Variants in RYR2 observed in about 807,000 individuals in gnomAD.
The protein encoded by RYR2 is ryanodine receptor 2.
Under a neutral mutation model 601.1 loss-of-function variants are expected in RYR2, and 227 were observed. The observed-to-expected ratio is 0.38, with a 90% CI of 0.34 to 0.42. The LOEUF is 0.42. Among genes scored for constraint, RYR2 ranks in the 10% least tolerant of loss-of-function variants. The pLI is 1.00. For synonymous variants in RYR2, 2,223 were observed against 2,175.1 expected (o/e 1.02, Z -0.61); for missense variants, 4,646 against 6,156.5 (o/e 0.75, Z 8.21).
chr1:237,672,413 G>A (rs950191611), intron 58 of RYR2, among the ~76,000 whole-genome samples: 3 of 152,122 alleles, frequency 2.0e-5, no homozygotes, highest in African/African-American at 7.2e-5. Flanking sequence ...CTAGGTGATG[G>A]TTGATTAAAT....
intron 17 of RYR2, among the ~76,000 whole-genome samples, chr1:237,471,591 C>G (rs183142655): frequency 1.3e-5 from 2 of 152,302 alleles, no homozygotes; most frequent in Admixed American, 1.3e-4. Flanking sequence ...AGTGTTAACA[C>G]TGGCTGAATC....
rs781172884 is a variant in RYR2, at chr1:237,651,381, G to A, written c.7734-30G>A. 3.5e-6 allele frequency: 5 copies of A among 1,445,856 alleles called. No individual in the cohort carries two copies. In the East Asian group the frequency reaches 9.4e-5, roughly 27 times the overall value. 89.6% of individuals were successfully genotyped at this position (1,445,856 alleles called of 1,614,324 possible). ...CTACTTAGTTTAGAAACATTTCTTG[G>A]CATTATGAACATTAGCTTTGTTCCA... is the stretch of plus-strand genomic sequence containing the variant. On this transcript the variant is annotated intron_variant, in intron 50 of 104. Coordinates refer to ENST00000366574, the MANE Select transcript of RYR2 (RefSeq NM_001035.3).
At chr1:237,623,387 T>G (rs28725322) in intron 38 of RYR2, among the ~76,000 whole-genome samples, 1 of 26,130 alleles carries the variant, frequency 3.8e-5, no homozygotes, top group East Asian at 1.8e-3. Context: ...TTCTTTCTTT[T>G]TTTTTTTTTT....
intron 29 of RYR2, among the ~76,000 whole-genome samples, chr1:237,579,549 T>TG (rs1673660552): frequency 6.6e-6 from 1 of 151,918 alleles, no homozygotes; most frequent in South Asian, 2.1e-4. Context: ...GCTGCTGCAC[T>TG]GGGGGAAAAT....
chr1:237,508,968 T>C (rs1245389277), intron 23 of RYR2, among the ~76,000 whole-genome samples: 1 of 151,848 alleles, frequency 6.6e-6, no homozygotes, highest in Non-Finnish European at 1.5e-5. Flanking sequence ...GGTTTCGATC[T>C]CCTGACCTCG....
Position 237,180,726 on chromosome 1 carries a change from A to G in RYR2, c.49-89771A>G, listed in dbSNP as rs994223034. Among the ~76,000 whole-genome samples, 5 of 147,976 alleles carry G rather than the reference A, an allele frequency of 3.4e-5. No individual in the cohort carries two copies. Among genetic ancestry groups the G allele is most frequent in the African/African-American group, 9.8e-5 (4 of 40,742 alleles). On this transcript the variant is annotated intron_variant, in intron 1 of 104. Transcript: ENST00000366574. The surrounding 1 kb of genome is among the most constrained non-coding windows in gnomAD (Gnocchi z 5.3). ...TATATATACACATATATACATATAC[A>G]TAGATATATGCTATTATATAATAAA...
At chr1:237,669,894 G>A (rs544829791) in intron 58 of RYR2, among the ~76,000 whole-genome samples, 283 of 152,116 alleles carry the variant, frequency 1.9e-3, no homozygotes, top group African/African-American at 6.3e-3. Context: ...GGTGGCGGCC[G>A]GGCAGAGGCT....
intron 1 of RYR2, among the ~76,000 whole-genome samples, chr1:237,110,057 A>G (rs1669275141): frequency 6.6e-6 from 1 of 152,158 alleles, no homozygotes; most frequent in Non-Finnish European, 1.5e-5. Flanking sequence ...GGGTTGTGCC[A>G]TATCCTGGTA....
intron 96 of RYR2, among the ~76,000 whole-genome samples, chr1:237,795,921 CGTAT>C (rs1300147925): frequency 0.012 from 359 of 30,246 alleles, no homozygotes; most frequent in African/African-American, 0.02. Flanking sequence ...CATATGCACG[CGTAT>C]GTGTGTACAT....
At chr1:237,795,836 G>GTATATATATATATATATATATATATATA in intron 96 of RYR2, among the ~76,000 whole-genome samples, 1 of 132,668 alleles carries the variant, frequency 7.5e-6, no homozygotes, top group African/African-American at 2.9e-5. Context: ...GTGTGTGTGT[G>GTATATATATATATATATATATATATATA]TATATATATA....
chr1:237,071,458 A>G (rs1384393552), intron 1 of RYR2, among the ~76,000 whole-genome samples: 2 of 152,146 alleles, frequency 1.3e-5, no homozygotes, highest in Non-Finnish European at 2.9e-5. Flanking sequence ...TCCTGACCTC[A>G]GGTGATCCAC....
chr1:237,247,750 A>G (rs1446840244), intron 1 of RYR2, among the ~76,000 whole-genome samples: 4 of 152,168 alleles, frequency 2.6e-5, no homozygotes. Context: ...CCTTGTGGCA[A>G]TGAAGGAAAG....
At chr1:237,127,954 A>G (rs1255419602) in intron 1 of RYR2, among the ~76,000 whole-genome samples, 1 of 151,512 alleles carries the variant, frequency 6.6e-6, no homozygotes, top group Admixed American at 6.6e-5. Flanking sequence ...GCGGCCAGGC[A>G]GAGATGCTCC....
At chr1:237,671,544 T>TGA (rs140139821) in intron 58 of RYR2, among the ~76,000 whole-genome samples, 242 of 151,366 alleles carry the variant, frequency 1.6e-3, no homozygotes, top group African/African-American at 5.6e-3. Flanking sequence ...TGTGTGCGTG[T>TGA]GAGAGAGAGA....
intron 1 of RYR2, among the ~76,000 whole-genome samples, chr1:237,179,046 A>G (rs537975993): frequency 2.6e-5 from 4 of 152,240 alleles, no homozygotes; most frequent in East Asian, 1.9e-4. Flanking sequence ...TTCTGTGCCA[A>G]TGTCATCTTG....
intron 10 of RYR2, among the ~76,000 whole-genome samples, chr1:237,389,480 G>A (rs1702203352): frequency 6.6e-6 from 1 of 152,266 alleles, no homozygotes; most frequent in Admixed American, 6.5e-5. Context: ...TTAGATTAGA[G>A]GTGGGGAGAA....
intron 24 of RYR2, among the ~76,000 whole-genome samples, chr1:237,519,477 A>G (rs1426535100): frequency 6.6e-6 from 1 of 152,192 alleles, no homozygotes. Context: ...ATAGGGGACC[A>G]GTTTTACTCT....
chr1:237,463,297 T>C (rs1367342339), intron 16 of RYR2, among the ~76,000 whole-genome samples: 2 of 152,154 alleles, frequency 1.3e-5, no homozygotes, highest in East Asian at 3.8e-4. Flanking sequence ...CCTAGAACAA[T>C]GCTTGACACA....
rs1558425816 is a variant in RYR2, at chr1:237,792,384, T to TGTGC, written c.13782+64_13782+65insCGTG. On this transcript the variant is annotated intron_variant, in intron 94 of 104. Transcript: ENST00000366574. ...GTGTGTGTGTGTGTGTGTGTGTGCG[T>TGTGC]GTGTGTGTGTGTGCGTGTGTGTGTG... 5 of 617,868 alleles carry TGTGC rather than the reference T, an allele frequency of 8.1e-6. No individual in the cohort carries two copies. In the African/African-American group the frequency reaches 9.2e-5, roughly 11 times the overall value. 38.3% of individuals were successfully genotyped at this position (617,868 alleles called of 1,614,324 possible). A position where few individuals can be genotyped will look rare whatever the true frequency, so the allele number is the denominator to read the frequency against.
Sources: gnomAD v4.1 joint callset for allele counts (sites outside exome capture counted in the v4.1 genomes callset) on GRCh38, gnomAD v4.1.1 for gene constraint, Gnocchi (gnomAD v3.1) non-coding constraint, MANE v1.5 for transcripts, NCBI Gene and HGNC (gene_info 2026-07-23, HGNC 2026-07-21) for gene names.